The following KIF5B variants were observed in gnomAD, a reference collection of about 807,000 sequenced individuals.
The protein encoded by KIF5B is kinesin family member 5B, also known as kinesin-1 heavy chain.
KIF5B carries 49 observed loss-of-function variants against 132.8 expected under a neutral mutation model. The ratio of observed to expected loss-of-function variants is 0.37; its 90% CI spans 0.29 to 0.47. The LOEUF (loss-of-function observed/expected upper bound fraction) is 0.47, where lower values mean the gene tolerates loss of function less well. Among genes scored for constraint, KIF5B ranks in the 20% least tolerant of loss-of-function variants. The pLI is 1.00. For synonymous variants in KIF5B, 355 were observed against 369.4 expected, an observed-to-expected ratio of 0.96 and a Z score of 0.45; for missense variants, 780 against 1,144.0, an observed-to-expected ratio of 0.68 and a Z score of 4.59.
At chr10:32,029,964 C>G (rs1441218765) in intron 14 of KIF5B, among the ~76,000 whole-genome samples, 1 of 152,110 alleles carries the variant, frequency 6.6e-6, no homozygotes, top group East Asian at 1.9e-4. Context: ...GGCAGGAAAC[C>G]TTTTAAAAGC....
At chr10:32,039,871 T>C (rs1343306139) in intron 3 of KIF5B, among the ~76,000 whole-genome samples, 1 of 152,176 alleles carries the variant, frequency 6.6e-6, no homozygotes, top group African/African-American at 2.4e-5. Flanking sequence ...TACACTCAAA[T>C]AAATGATAAA....
At chr10:32,023,402 G>A (rs555604709) in intron 15 of KIF5B, among the ~76,000 whole-genome samples, 12 of 152,082 alleles carry the variant, frequency 7.9e-5, no homozygotes, top group East Asian at 1.9e-4. Context: ...TCATGTGCAC[G>A]TTCAGCTTAA....
intron 17 of KIF5B, among the ~76,000 whole-genome samples, 181 bp from the exon 18 acceptor site, chr10:32,021,468 T>C (rs575364476): frequency 2.5e-4 from 38 of 152,116 alleles, no homozygotes; most frequent in South Asian, 1.0e-3. Context: ...GTTACATCCA[T>C]TGTGTTGGTA....
intron 15 of KIF5B, among the ~76,000 whole-genome samples, chr10:32,027,100 A>G (rs978448306): frequency 1.3e-5 from 2 of 152,258 alleles, no homozygotes; most frequent in African/African-American, 4.8e-5. Context: ...TAAACAATAC[A>G]AAAGATGGAA....
chr10:32,015,257 T>C (rs1037711072), intron 25 of KIF5B, among the ~76,000 whole-genome samples: 10 of 152,138 alleles, frequency 6.6e-5, no homozygotes, highest in African/African-American at 2.2e-4. Flanking sequence ...TTATAAACCA[T>C]GGTACATCCA....
At position 32,022,240 on chromosome 10, in the gene KIF5B, C is replaced by A; in HGVS notation, c.1932G>T (p.Lys644Asn). 1 of 1,609,350 alleles carries A rather than the reference C, an allele frequency of 6.2e-7. No homozygotes were observed. The highest frequency in any genetic ancestry group is 8.5e-7 in the Non-Finnish European group (1 of 1,177,350). ...LRISQHEAKI[K>N]SLTEYLQNVE... ...CATTTTGAAGGTATTCAGTCAATGACTTGATTTTGGCTTCATGCTTTTGGA... is the reference window on the plus strand; with the variant it reads ...CATTTTGAAGGTATTCAGTCAATGAATTGATTTTGGCTTCATGCTTTTGGA... The change falls in exon 17 of 26, where the codon AAG (lysine) becomes AAT (asparagine). Residue 644 changes from lysine (K) to asparagine (N), a missense_variant. Around this residue, in one of 9 missense-constraint regions of KIF5B, gnomAD observed 471 missense variants for 569.9 expected, o/e 0.83. Transcript: ENST00000302418.
rs202105115 is a variant in KIF5B, at chr10:32,024,145, T to TC, written c.1726-1110dup. ...CTTATATCCAAAACATATGAAGAACTCTTTTTTTTTTTTTTTTTTTTTTTT... is the reference window on the plus strand; with the variant it reads ...CTTATATCCAAAACATATGAAGAACTCCTTTTTTTTTTTTTTTTTTTTTTTT... On this transcript the variant is annotated intron_variant, in intron 15 of 25. Transcript: ENST00000302418. Among the ~76,000 whole-genome samples the TC allele has an allele frequency of 6.8e-4, 63 of 92,216 alleles. 5 individuals are homozygous for TC. Among genetic ancestry groups the TC allele is most frequent in the Non-Finnish European group, 1.1e-3 (47 of 42,064 alleles). 60.5% of individuals were successfully genotyped at this position (92,216 alleles called of 152,430 possible).
chr10:32,019,746 C>A, intron 20 of KIF5B, 112 bp downstream of exon 20: 3 of 627,014 alleles, frequency 4.8e-6, no homozygotes, highest in South Asian at 2.4e-5. Flanking sequence ...AGAAAAAATC[C>A]TTTAGCCCAT....
rs756328599 is a variant in KIF5B, at chr10:32,017,317, A to G, written c.2587T>C (p.Leu863=). ...GCTGTAGCTCGAAGTCGCTTTTCCA[A>G]CTTAGGAAGTTCACAGCGGAGATCT... The part of the protein sequence containing the change: ...NADLRCELPK[L]EKRLRATAER... Residue 863 remains leucine, a synonymous_variant, in exon 24 of 26, where the codon TTG becomes CTG. Transcript: ENST00000302418. 2.5e-6 allele frequency: 4 copies of G among 1,614,076 alleles called. No homozygotes were observed. Among genetic ancestry groups the G allele is most frequent in the Non-Finnish European group, 3.4e-6 (4 of 1,180,042 alleles).
At position 32,055,920 on chromosome 10, in the gene KIF5B, G is replaced by C; in HGVS notation, c.54C>G (p.Leu18=). 1 of 1,612,254 alleles carries C rather than the reference G, an allele frequency of 6.2e-7. No homozygotes were observed. Among genetic ancestry groups the C allele is most frequent in the African/African-American group, 1.3e-5 (1 of 75,064 alleles). ...CGCCGCGGTTCACTTCAGACTCGTT[G>C]AGAGGTCTGAAGCGACACATCACTT... ...NIKVMCRFRP[L]NESEVNRGDK... Residue 18 remains leucine (L), a synonymous_variant, in exon 1 of 26, where the codon CTC becomes CTG. Coordinates refer to ENST00000302418, the MANE Select transcript of KIF5B (RefSeq NM_004521.3).
At chr10:32,018,600 A>C in intron 20 of KIF5B, 38 bp from the exon 21 acceptor site, 1 of 1,328,970 alleles carries the variant, frequency 7.5e-7, no homozygotes, top group Non-Finnish European at 1.0e-6. Flanking sequence ...TTCAAATTTT[A>C]TTCTGTATAT....
intron 13 of KIF5B, among the ~76,000 whole-genome samples, chr10:32,031,599 A>C (rs1841403045): frequency 6.6e-6 from 1 of 152,136 alleles, no homozygotes; most frequent in Non-Finnish European, 1.5e-5. Flanking sequence ...TTAGTAATAC[A>C]GGAAAGAGTA....
intron 13 of KIF5B, 47 bp downstream of exon 13, chr10:32,032,659 A>C: frequency 6.8e-7 from 1 of 1,471,142 alleles, no homozygotes; most frequent in South Asian, 1.1e-5. Flanking sequence ...TCAGAAAACA[A>C]AACTATAAAG....
At chr10:32,052,741 T>C (rs1166558432) in intron 1 of KIF5B, among the ~76,000 whole-genome samples, 3 of 152,224 alleles carry the variant, frequency 2.0e-5, no homozygotes, top group African/African-American at 7.2e-5. Flanking sequence ...AGTTTATATG[T>C]ATATCGCTTA....
rs771564522 is a variant in KIF5B, at chr10:32,011,457, T to C, written c.*80A>G. 1.3e-5 allele frequency: 2 copies of C among 152,032 alleles called. No homozygotes were observed. Among genetic ancestry groups the C allele is most frequent in the African/African-American group, 2.4e-5 (1 of 41,316 alleles). The allele number at this position is 152,032 out of a possible 1,614,324, so 9.4% of individuals were successfully genotyped here. Reference sequence around the variant, plus strand: ...TACAATCCCAAGGGAGTAGAGGTTATAGTCATTGAATGACTGCTTGATACC... The same window carrying C: ...TACAATCCCAAGGGAGTAGAGGTTACAGTCATTGAATGACTGCTTGATACC... On this transcript the variant is annotated 3_prime_UTR_variant, in exon 26 of 26. Transcript: ENST00000302418.
At chr10:32,040,101 C>T (rs1841512994) in intron 3 of KIF5B, among the ~76,000 whole-genome samples, 1 of 152,132 alleles carries the variant, frequency 6.6e-6, no homozygotes, top group South Asian at 2.1e-4. Context: ...CAAAATTTCC[C>T]ATATAACAGG....
At chr10:32,026,437 C>CAAAAAAAAAAAAAAA (rs71027049) in intron 15 of KIF5B, among the ~76,000 whole-genome samples, 3 of 48,920 alleles carry the variant, frequency 6.1e-5, no homozygotes, top group African/African-American at 7.6e-5. Context: ...GATTCCGTCT[C>CAAAAAAAAAAAAAAA]AAAAAAAAAA....
In KIF5B at chr10:32,053,704, A is replaced by G. The variant is rs140224207; in HGVS notation, c.126+2144T>C. ...ACCCCACTGCACTCCAGCCTGGGCA[A>G]CAAGAGCAAAACTCAAAAATATCTC... On this transcript the variant is annotated intron_variant, in intron 1 of 25. Transcript: ENST00000302418. Among the ~76,000 whole-genome samples the G allele has an allele frequency of 6.4e-3, 965 of 151,854 alleles. 9 individuals carry two copies. Among genetic ancestry groups the G allele is most frequent in the African/African-American group, 0.022 (927 of 41,438 alleles).
In KIF5B at chr10:32,040,312, G is replaced by A; in HGVS notation, c.288+72C>T. 3 of 904,898 alleles carry A rather than the reference G, an allele frequency of 3.3e-6. No homozygotes were observed. The South Asian group carries it at 4.0e-5, about 12-fold the overall frequency. The allele number at this position is 904,898 out of a possible 1,614,324, so 56.1% of individuals were successfully genotyped here. On this transcript the variant is annotated intron_variant, in intron 3 of 25. Coordinates refer to ENST00000302418, the MANE Select transcript of KIF5B (RefSeq NM_004521.3). ...GTAAATTAAAATGTTTATGCATGGT[G>A]AAATAATATCACAAATAATGAATGC... is the stretch of plus-strand genomic sequence containing the variant.
Sources: gnomAD v4.1 joint callset for allele counts (sites outside exome capture counted in the v4.1 genomes callset) on GRCh38, gnomAD v4.1.1 for gene constraint, gnomAD v4.1.1 regional missense constraint, MANE v1.5 for transcripts, NCBI Gene and HGNC (gene_info 2026-07-23, HGNC 2026-07-21) for gene names.